The following ARSK variants were observed in gnomAD, a reference collection of about 807,000 sequenced individuals.
ARSK encodes the protein arylsulfatase family member K, also known as arylsulfatase K.
A neutral mutation model predicts 53.2 loss-of-function variants in ARSK; 37 were observed. That is an observed-to-expected ratio of 0.70 (90% confidence interval 0.54 to 0.92). The LOEUF is 0.92. Among genes scored for constraint, ARSK ranks in the 40% least tolerant of loss-of-function variants. The pLI, the probability that ARSK is intolerant of heterozygous loss-of-function variation, is 0.00. For missense variants in ARSK, 613 were observed against 643.0 expected (o/e 0.95, Z 0.51); for synonymous variants, 208 against 223.2 (o/e 0.93, Z 0.61).
At chr5:95,583,817 C>T (rs368216139) in intron 4 of ARSK, among the ~76,000 whole-genome samples, 1 of 152,132 alleles carries the variant, frequency 6.6e-6, no homozygotes, top group Non-Finnish European at 1.5e-5. Flanking sequence ...TTATTTCTTT[C>T]TAAATTTGGA....
intron 6 of ARSK, among the ~76,000 whole-genome samples, chr5:95,596,001 T>TA (rs2112446382): frequency 6.6e-6 from 1 of 152,332 alleles, no homozygotes; most frequent in African/African-American, 2.4e-5. Flanking sequence ...AGCAGGTTTT[T>TA]AGAGTACTAT....
At chr5:95,562,742 T>C (rs1419747660) in intron 1 of ARSK, among the ~76,000 whole-genome samples, 1 of 152,252 alleles carries the variant, frequency 6.6e-6, no homozygotes, top group Non-Finnish European at 1.5e-5. Flanking sequence ...TCTGTAACTT[T>C]TGCAGAAAGC....
intron 1 of ARSK, among the ~76,000 whole-genome samples, chr5:95,559,404 G>A (rs187628246): frequency 7.3e-4 from 111 of 152,258 alleles, no homozygotes; most frequent in Middle Eastern, 3.4e-3. Context: ...TGTGGGACTT[G>A]AGCCCGCAAA....
At chr5:95,592,335 G>A (rs1749232501) in intron 6 of ARSK, among the ~76,000 whole-genome samples, 1 of 152,108 alleles carries the variant, frequency 6.6e-6, no homozygotes, top group African/African-American at 2.4e-5. Context: ...CACAAGTTAT[G>A]TTCTCTAATT....
In ARSK at chr5:95,555,577, C is replaced by T. The variant is rs1364918663; in HGVS notation, c.126+173C>T. ...GAGGCCCCGTGTACTCACACGTACA[C>T]CACATACCTATGCAAACATGTAAAA... On this transcript the variant is annotated intron_variant, in intron 1 of 7. Transcript: ENST00000380009. The surrounding 1 kb of genome is among the most constrained non-coding windows in gnomAD (Gnocchi z 4.0). 6.6e-6 allele frequency among the ~76,000 whole-genome samples: 1 copy of T among 152,166 alleles called. No individual in the cohort carries two copies. The highest frequency in any genetic ancestry group is 1.5e-5 in the Non-Finnish European group (1 of 68,028).
In ARSK at chr5:95,594,541, T is replaced by C. The variant is rs1239368162; in HGVS notation, c.1096+2916T>C. Among the ~76,000 whole-genome samples the C allele has an allele frequency of 2.6e-5, 4 of 152,160 alleles. No homozygotes were observed. The East Asian group carries it at 5.8e-4, about 22-fold the overall frequency. ...GGTTAAGAAGAATTAGAAAATCTTA[T>C]ATTAGAAATAGTCCTTCTTGCTGGG... On this transcript the variant is annotated intron_variant, in intron 6 of 7. Coordinates refer to ENST00000380009, the MANE Select transcript of ARSK (RefSeq NM_198150.3).
intron 1 of ARSK, among the ~76,000 whole-genome samples, chr5:95,565,094 G>T (rs7716598): frequency 0.18 from 28,011 of 152,010 alleles, 3,756 homozygotes; most frequent in African/African-American, 0.38. Flanking sequence ...TTATAATTAT[G>T]TTGAAAACAT....
intron 3 of ARSK, among the ~76,000 whole-genome samples, chr5:95,572,635 G>A (rs943434180): frequency 6.9e-4 from 105 of 152,108 alleles, no homozygotes; most frequent in African/African-American, 2.3e-3. Context: ...AAAATTAGCC[G>A]GGCGTGGTGG....
intron 6 of ARSK, among the ~76,000 whole-genome samples, chr5:95,594,843 C>CAAA (rs57534709): frequency 7.0e-6 from 1 of 141,942 alleles, no homozygotes; most frequent in Admixed American, 6.9e-5. Context: ...ACGTCTCAAA[C>CAAA]AAAAAAAAAA....
chr5:95,587,573 A>G (rs961830287), intron 5 of ARSK, among the ~76,000 whole-genome samples: 2 of 152,222 alleles, frequency 1.3e-5, no homozygotes, highest in African/African-American at 4.8e-5. Flanking sequence ...CAAAAAGGCC[A>G]TATGGACAAA....
intron 4 of ARSK, among the ~76,000 whole-genome samples, chr5:95,584,362 G>A (rs1749072988): frequency 6.6e-6 from 1 of 152,144 alleles, no homozygotes; most frequent in South Asian, 2.1e-4. Flanking sequence ...TGTACTTCTT[G>A]CAGTTATTCA....
In ARSK at chr5:95,604,696, C is replaced by T. The variant is rs1050463462; in HGVS notation, c.*1170C>T. The T allele has an allele frequency of 2.6e-5, 4 of 152,128 alleles. No individual in the cohort carries two copies. The highest frequency in any genetic ancestry group is 4.4e-5 in the Non-Finnish European group (3 of 68,040). 9.4% of individuals were successfully genotyped at this position (152,128 alleles called of 1,614,324 possible). A position where few individuals can be genotyped will look rare whatever the true frequency, so the allele number is the denominator to read the frequency against. On this transcript the variant is annotated 3_prime_UTR_variant, in exon 8 of 8. Coordinates refer to ENST00000380009, the MANE Select transcript of ARSK (RefSeq NM_198150.3). Reference sequence around the variant, plus strand: ...TGCATGTCTTCTTATCCTTTGCCAACCTAACAGATAAAAATGTTCTATTTT... The same window carrying T: ...TGCATGTCTTCTTATCCTTTGCCAATCTAACAGATAAAAATGTTCTATTTT...
In ARSK at chr5:95,600,773, T is replaced by G. The variant is rs759907894; in HGVS notation, c.1097-74T>G. 3.5e-4 allele frequency: 482 copies of G among 1,358,010 alleles called. 2 individuals carry two copies. The highest frequency in any genetic ancestry group is 4.9e-4 in the Non-Finnish European group (468 of 951,678). The allele number at this position is 1,358,010 out of a possible 1,614,324, so 84.1% of individuals were successfully genotyped here. A position where few individuals can be genotyped will look rare whatever the true frequency, so the allele number is the denominator to read the frequency against. ...TTTAATGGTATGAAAAAAATGTGAA[T>G]GATGCTATTTGTGAATGTTCAGCTA... On this transcript the variant is annotated intron_variant, in intron 6 of 7. Transcript: ENST00000380009.
At chr5:95,574,571 T>C (rs1003167161) in intron 3 of ARSK, among the ~76,000 whole-genome samples, 5 of 152,236 alleles carry the variant, frequency 3.3e-5, no homozygotes, top group African/African-American at 1.2e-4. Flanking sequence ...ATAGTTTTGA[T>C]TTGCATTTCT....
intron 2 of ARSK, 76 bp downstream of exon 2, chr5:95,566,203 C>A (rs1748725561): frequency 1.3e-6 from 2 of 1,524,492 alleles, no homozygotes; most frequent in Admixed American, 2.1e-5. Context: ...AAGATTATAC[C>A]TAAAAGTAGA....
At position 95,555,462 on chromosome 5, in the gene ARSK, G is replaced by T; in HGVS notation, c.126+58G>T. The T allele has an allele frequency of 2.0e-6, 3 of 1,536,948 alleles. No individual in the cohort carries two copies. Among genetic ancestry groups the T allele is most frequent in the East Asian group, 2.4e-5 (1 of 42,110 alleles). ...GCTGGGGATCGGCGACCTCACCGCCGCCGCCTGTGCTGCAGGCTTTGGGGA... is the reference window on the plus strand; with the variant it reads ...GCTGGGGATCGGCGACCTCACCGCCTCCGCCTGTGCTGCAGGCTTTGGGGA... On this transcript the variant is annotated intron_variant, in intron 1 of 7. Coordinates refer to ENST00000380009, the MANE Select transcript of ARSK (RefSeq NM_198150.3). This position sits in a 1 kb window ranked among gnomAD's most constrained non-coding sequence, Gnocchi z 4.0.
intron 3 of ARSK, among the ~76,000 whole-genome samples, chr5:95,572,348 T>A (rs956230728): frequency 1.3e-5 from 2 of 152,250 alleles, no homozygotes; most frequent in Non-Finnish European, 2.9e-5. Flanking sequence ...AAAGTTCTTC[T>A]ACTCTGAAAT....
chr5:95,584,783 G>A (rs1749082305), intron 4 of ARSK, among the ~76,000 whole-genome samples: 1 of 152,158 alleles, frequency 6.6e-6, no homozygotes, highest in Non-Finnish European at 1.5e-5. Flanking sequence ...AGCTGAGGCG[G>A]GTGGATCACC....
chr5:95,580,614 G>T (rs1324848381), intron 3 of ARSK, among the ~76,000 whole-genome samples: 1 of 152,158 alleles, frequency 6.6e-6, no homozygotes, highest in East Asian at 1.9e-4. Flanking sequence ...GGACTTTCTG[G>T]ACTAAGAATT....
Sources: allele counts gnomAD v4.1 joint callset (sites outside exome capture counted in the v4.1 genomes callset), GRCh38; gene constraint gnomAD v4.1.1; non-coding constraint Gnocchi (gnomAD v3.1); transcripts MANE v1.5; gene names NCBI Gene and HGNC (gene_info 2026-07-23, HGNC 2026-07-21).